PAX3: variants seen among roughly 807,000 people sequenced by gnomAD.
The protein encoded by PAX3 is paired box 3.
PAX3 carries 14 observed loss-of-function variants against 51.6 expected under a neutral mutation model. That is an observed-to-expected ratio of 0.27 (90% CI 0.18 to 0.42). The LOEUF is 0.42. Among genes scored for constraint, PAX3 ranks in the 10% least tolerant of loss-of-function variants. The pLI is 1.00. For synonymous variants in PAX3, 280 were observed against 253.4 expected (o/e 1.11, Z -1.00); for missense variants, 540 against 642.8 (o/e 0.84, Z 1.73).
intron 4 of PAX3, among the ~76,000 whole-genome samples, chr2:222,288,596 AC>A (rs1694917062): frequency 6.6e-6 from 1 of 152,174 alleles, no homozygotes; most frequent in Non-Finnish European, 1.5e-5. Context: ...TTTTAGGGAA[AC>A]TTTTGTATTT....
intron 4 of PAX3, among the ~76,000 whole-genome samples, chr2:222,269,279 C>T (rs930200891): frequency 2.6e-5 from 4 of 152,184 alleles, no homozygotes; most frequent in East Asian, 1.9e-4. Flanking sequence ...CTGTTGAATG[C>T]GCACAGTCCA....
intron 4 of PAX3, among the ~76,000 whole-genome samples, chr2:222,265,990 G>A (rs1559296553): frequency 6.6e-6 from 1 of 152,224 alleles, no homozygotes; most frequent in Non-Finnish European, 1.5e-5. Context: ...TGTGGGGACA[G>A]CCAGTAGTTG....
At position 222,272,066 on chromosome 2, in the gene PAX3, A is replaced by G. The variant is rs369487579; in HGVS notation, c.586+22101T>C. Among the ~76,000 whole-genome samples, 9 of 152,298 alleles carry G rather than the reference A, an allele frequency of 5.9e-5. No individual in the cohort carries two copies. The South Asian group carries it at 1.2e-3, about 21-fold the overall frequency. On this transcript the variant is annotated intron_variant, in intron 4 of 8. Transcript: ENST00000392070. Reference sequence around the variant, plus strand: ...AAAGCTGATCGTGTTGCATGAAACCATCCTACCAGACAACATTGACCTGGG... The same window carrying G: ...AAAGCTGATCGTGTTGCATGAAACCGTCCTACCAGACAACATTGACCTGGG...
chr2:222,292,870 T>C (rs922060696), intron 4 of PAX3, among the ~76,000 whole-genome samples: 1 of 151,876 alleles, frequency 6.6e-6, no homozygotes, highest in Non-Finnish European at 1.5e-5. Flanking sequence ...CTTGTGTGCA[T>C]CAGAGTATCT....
intron 7 of PAX3, among the ~76,000 whole-genome samples, chr2:222,206,694 T>C (rs75049849): frequency 1.9e-3 from 289 of 152,264 alleles, no homozygotes; most frequent in East Asian, 0.013. Flanking sequence ...ATATTTCTCT[T>C]GAATTAATTT....
In PAX3 at chr2:222,232,192, G is replaced by A. The variant is rs1388772945; in HGVS notation, c.678C>T (p.Phe226=). 1.2e-6 allele frequency: 2 copies of A among 1,613,982 alleles called. No homozygotes were observed. The highest frequency in any genetic ancestry group is 2.2e-5 in the South Asian group (2 of 91,090). ...KRKQRRSRTT[F]TAEQLEELER... ...CCAGTTCCTCCAGCTGTTCTGCTGT[G>A]AAGGTGGTTCGGCTTCTGCGCTGTT... The change falls in exon 5 of 9, where the codon TTC becomes TTT. Residue 226 remains phenylalanine, a synonymous_variant. Coordinates refer to ENST00000392070, the MANE Select transcript of PAX3 (RefSeq NM_181458.4).
intron 4 of PAX3, among the ~76,000 whole-genome samples, chr2:222,273,439 T>C (rs1472477914): frequency 6.6e-6 from 1 of 152,232 alleles, no homozygotes; most frequent in Non-Finnish European, 1.5e-5. Context: ...AACAGCTATT[T>C]CTTCTACTGT....
rs181290045 is a variant in PAX3 at position 222,281,176 on chromosome 2, G to C, written c.586+12991C>G. Among the ~76,000 whole-genome samples the C allele has an allele frequency of 2.6e-5, 4 of 152,250 alleles. No individual in the cohort carries two copies. In the East Asian group the frequency reaches 7.7e-4, roughly 29 times the overall value. ...TCTGGCATACTGCTAGTCCACCGGG[G>C]GCACCATGAGGAAACCACCATTTAT... is the stretch of plus-strand genomic sequence containing the variant. On this transcript the variant is annotated intron_variant, in intron 4 of 8. Coordinates refer to ENST00000392070, the MANE Select transcript of PAX3 (RefSeq NM_181458.4).
intron 7 of PAX3, among the ~76,000 whole-genome samples, chr2:222,208,971 C>G (rs1691615249): frequency 2.6e-5 from 4 of 152,218 alleles, no homozygotes; most frequent in African/African-American, 9.6e-5. Context: ...TCTTAGTGAC[C>G]TTTAACTTCA....
At chr2:222,267,696 T>C (rs1462735923) in intron 4 of PAX3, among the ~76,000 whole-genome samples, 2 of 152,216 alleles carry the variant, frequency 1.3e-5, no homozygotes, top group East Asian at 3.8e-4. Flanking sequence ...GTTAAGCAGC[T>C]ACTGCTCTAT....
rs1319212514 is a variant in PAX3, at chr2:222,297,104, G to A, written c.195C>T (p.His65=). 1 of 1,613,948 alleles carries A rather than the reference G, an allele frequency of 6.2e-7. No homozygotes were observed. Among genetic ancestry groups the A allele is most frequent in the South Asian group, 1.1e-5 (1 of 91,022 alleles). The change falls in exon 2 of 9, where the codon CAC becomes CAT. Residue 65 remains histidine, a synonymous_variant. Coordinates refer to ENST00000392070, the MANE Select transcript of PAX3 (RefSeq NM_181458.4). ...GCGAGATGACGCAGGGCCGGATGCCGTGGTGGGCCATCTCCACGATCTTGT... is the reference window on the plus strand; with the variant it reads ...GCGAGATGACGCAGGGCCGGATGCCATGGTGGGCCATCTCCACGATCTTGT... ...IRHKIVEMAH[H]GIRPCVISRQ...
At chr2:222,281,814 T>C (rs866624817) in intron 4 of PAX3, among the ~76,000 whole-genome samples, 2 of 152,336 alleles carry the variant, frequency 1.3e-5, no homozygotes, top group South Asian at 2.1e-4. Flanking sequence ...GTAGACACTC[T>C]TAATGCAGGC....
intron 7 of PAX3, among the ~76,000 whole-genome samples, chr2:222,209,435 G>A (rs1202751049): frequency 6.6e-6 from 1 of 152,054 alleles, no homozygotes; most frequent in Non-Finnish European, 1.5e-5. Flanking sequence ...GTCAGGAAAG[G>A]TATTTCTGGT....
chr2:222,212,479 C>A (rs1297788313), intron 7 of PAX3, among the ~76,000 whole-genome samples: 1 of 152,098 alleles, frequency 6.6e-6, no homozygotes, highest in Non-Finnish European at 1.5e-5. Context: ...AGCAGAGGTG[C>A]AATCGCTAAT....
At chr2:222,278,507 G>T (rs1694510561) in intron 4 of PAX3, among the ~76,000 whole-genome samples, 1 of 152,224 alleles carries the variant, frequency 6.6e-6, no homozygotes. Flanking sequence ...CTTGGCCAAA[G>T]AGACCCTTCT....
intron 7 of PAX3, among the ~76,000 whole-genome samples, chr2:222,210,874 AT>A (rs985870075): frequency 6.6e-6 from 1 of 151,430 alleles, no homozygotes; most frequent in Non-Finnish European, 1.5e-5. Flanking sequence ...GATTCACATA[AT>A]TTTTTTTTCT....
In PAX3 at chr2:222,237,326, G is replaced by GCACACACACACACA. The variant is rs3075849; in HGVS notation, c.587-5057_587-5044dup. 8.4e-3 allele frequency among the ~76,000 whole-genome samples: 1,236 copies of GCACACACACACACA among 146,532 alleles called. 19 individuals carry two copies. Among genetic ancestry groups the GCACACACACACACA allele is most frequent in the East Asian group, 0.031 (154 of 4,898 alleles). ...ATGAGTGTTGAGTCTTTTATCACAT[G>GCACACACACACACA]CACACACACACACACACACACACAC... On this transcript the variant is annotated intron_variant, in intron 4 of 8. Transcript: ENST00000392070.
intron 7 of PAX3, among the ~76,000 whole-genome samples, chr2:222,209,350 A>G (rs1398668124): frequency 6.6e-6 from 1 of 152,164 alleles, no homozygotes; most frequent in East Asian, 1.9e-4. Context: ...AGGAAGGTAC[A>G]TCCTTAAGAT....
chr2:222,213,890 A>C (rs1454860029), intron 7 of PAX3, among the ~76,000 whole-genome samples: 1 of 152,188 alleles, frequency 6.6e-6, no homozygotes, highest in Non-Finnish European at 1.5e-5. Flanking sequence ...AAAATTAGCT[A>C]TCTTGAAATA....
Sources: allele counts gnomAD v4.1 joint callset (sites outside exome capture counted in the v4.1 genomes callset), GRCh38; gene constraint gnomAD v4.1.1; transcripts MANE v1.5; gene names NCBI Gene and HGNC (gene_info 2026-07-23, HGNC 2026-07-21).